Variants in EXD3 observed in about 807,000 individuals in gnomAD.
The protein encoded by EXD3 is exonuclease mut-7 homolog.
A neutral mutation model predicts 98.0 loss-of-function variants in EXD3; 92 were observed. The ratio of observed to expected loss-of-function variants is 0.94; its 90% CI spans 0.79 to 1.12. The LOEUF is 1.12. Ranked by LOEUF, EXD3 falls within the 50% of genes most tolerant of loss-of-function variation. The probability of loss-of-function intolerance (pLI) is 0.00; values close to 1 mark genes in which losing one functional copy is unlikely to be tolerated. For missense variants in EXD3, 1,222 were observed against 1,191.6 expected, an observed-to-expected ratio of 1.03 and a Z score of -0.38; for synonymous variants, 569 against 526.0, an observed-to-expected ratio of 1.08 and a Z score of -1.12.
intron 1 of EXD3, among the ~76,000 whole-genome samples, chr9:137,402,258 C>T (rs1284496010): frequency 1.3e-5 from 2 of 152,194 alleles, no homozygotes; most frequent in East Asian, 3.8e-4. Context: ...TCGTGATCCG[C>T]CCGTCTCAGC....
At chr9:137,325,595 G>C (rs959053279) in intron 17 of EXD3, among the ~76,000 whole-genome samples, 1 of 152,058 alleles carries the variant, frequency 6.6e-6, no homozygotes, top group Non-Finnish European at 1.5e-5. Context: ...AGCACACCCA[G>C]CTAATTTTTG....
intron 17 of EXD3, among the ~76,000 whole-genome samples, chr9:137,343,877 C>T (rs113713332): frequency 5.7e-4 from 69 of 120,162 alleles, no homozygotes; most frequent in Middle Eastern, 7.1e-3. Flanking sequence ...TATGAGCCAC[C>T]GCGCCCGGCC....
chr9:137,417,902 G>A (rs1445773015), intron 1 of EXD3, among the ~76,000 whole-genome samples: 3 of 152,170 alleles, frequency 2.0e-5, no homozygotes, highest in Admixed American at 2.0e-4. Flanking sequence ...TGGGTGAGGG[G>A]CTGGCGGGGC....
chr9:137,391,477 T>C (rs947895219), intron 2 of EXD3, among the ~76,000 whole-genome samples: 9 of 152,154 alleles, frequency 5.9e-5, no homozygotes, highest in Admixed American at 5.9e-4. Context: ...CCCAGCAAGA[T>C]GGGGAGGAGC....
At chr9:137,339,200 G>A (rs992962307) in intron 17 of EXD3, among the ~76,000 whole-genome samples, 13 of 151,988 alleles carry the variant, frequency 8.6e-5, no homozygotes, top group African/African-American at 3.1e-4. Flanking sequence ...CATCAGGCCA[G>A]GAAGCCTCAC....
intron 7 of EXD3, among the ~76,000 whole-genome samples, chr9:137,362,560 A>G (rs938892187): frequency 6.6e-5 from 10 of 151,696 alleles, no homozygotes; most frequent in Non-Finnish European, 1.3e-4. Context: ...CAGCAGTGCA[A>G]TCACAGCTTA....
intron 6 of EXD3, 165 bp downstream of exon 6, chr9:137,367,771 A>C (rs1835344193): frequency 1.6e-6 from 1 of 620,176 alleles, no homozygotes; most frequent in Non-Finnish European, 2.8e-6. Context: ...GCCCATGAGG[A>C]GGATGGTGGT....
At chr9:137,404,543 T>C (rs188537469) in intron 1 of EXD3, among the ~76,000 whole-genome samples, 56 of 152,342 alleles carry the variant, frequency 3.7e-4, no homozygotes, top group African/African-American at 1.3e-3. Flanking sequence ...CATTTGCAAA[T>C]TCTGAAAAAT....
At chr9:137,377,552 T>A (rs1835973827) in intron 3 of EXD3, among the ~76,000 whole-genome samples, 1 of 150,790 alleles carries the variant, frequency 6.6e-6, no homozygotes, top group Non-Finnish European at 1.5e-5. Context: ...GGTGGGAGGA[T>A]CGCTTGAGGT....
chr9:137,346,762 G>A (rs981417372), intron 17 of EXD3, among the ~76,000 whole-genome samples: 6 of 145,398 alleles, frequency 4.1e-5, no homozygotes, highest in African/African-American at 1.6e-4. Flanking sequence ...ACTTCCGCAT[G>A]TTTAGCTGTG....
In EXD3 at chr9:137,309,673, C is replaced by A. The variant is rs199671547; in HGVS notation, c.2212G>T (p.Val738Phe). Residue 738 changes from valine to phenylalanine, a missense_variant, in exon 20 of 22, where the codon GTC becomes TTC. Physicochemically the swap from Val to Phe is conservative, Grantham distance 50 (BLOSUM62 -1). Coordinates refer to ENST00000340951, the MANE Select transcript of EXD3 (RefSeq NM_017820.5). ...AGCTGCTTCATCATGTCCCTGGAGA[C>A]CTTTAGGTACTGGTCACAGTTACAG... The part of the protein sequence containing the change: ...QACNCDQYLK[V>F]SRDMMKQLMW... 78 of 1,558,332 alleles carry A rather than the reference C, an allele frequency of 5.0e-5. No individual in the cohort carries two copies. The African/African-American group carries it at 9.5e-4, about 19-fold the overall frequency.
chr9:137,366,663 C>T, intron 6 of EXD3, 31 bp from the exon 7 acceptor site: 5 of 1,538,204 alleles, frequency 3.3e-6, no homozygotes, highest in Non-Finnish European at 4.4e-6. Flanking sequence ...AGGCCACAGC[C>T]TCCGCCACCT....
chr9:137,415,957 C>G (rs142974261), intron 1 of EXD3, among the ~76,000 whole-genome samples: 12 of 152,318 alleles, frequency 7.9e-5, no homozygotes, highest in African/African-American at 2.2e-4. Context: ...GCTGCTCTGC[C>G]GACGGTGCCT....
chr9:137,387,160 C>CTACTCCTTGTCTGCCTCCCTCAG lies in EXD3; in HGVS notation c.56-3784_56-3783insCTGAGGGAGGCAGACAAGGAGTA, dbSNP rs1322455063. ...CTGTTCCCTGCCTGGCCCTCGGCCCCCGCTCCCTGCCTGGCCCCCGGCCCC... is the reference window on the plus strand; with the variant it reads ...CTGTTCCCTGCCTGGCCCTCGGCCCCTACTCCTTGTCTGCCTCCCTCAGCGCTCCCTGCCTGGCCCCCGGCCCC... On this transcript the variant is annotated intron_variant, in intron 2 of 21. Transcript: ENST00000340951. Among the ~76,000 whole-genome samples, 461 of 77,700 alleles carry CTACTCCTTGTCTGCCTCCCTCAG rather than the reference C, an allele frequency of 5.9e-3. 32 individuals are homozygous for CTACTCCTTGTCTGCCTCCCTCAG. In the African/African-American group the frequency reaches 0.06, roughly 10 times the overall value. 51.0% of individuals were successfully genotyped at this position (77,700 alleles called of 152,430 possible).
rs915985653 is a variant in EXD3, at chr9:137,374,557, A to G, written c.121-958T>C. 8 of 985,390 alleles carry G rather than the reference A, an allele frequency of 8.1e-6. No individual in the cohort carries two copies. The Admixed American group carries it at 3.1e-4, about 38-fold the overall frequency. The allele number at this position is 985,390 out of a possible 1,614,324, so 61.0% of individuals were successfully genotyped here. ...AAGCTTACCGAAACAAAAGGCTCCC[A>G]GCACCTGACAAATCTCCCCACAAAC... On this transcript the variant is annotated intron_variant, in intron 3 of 21. Transcript: ENST00000340951.
rs367988278 is a variant in EXD3 at position 137,366,575 on chromosome 9, C to A, written c.574G>T (p.Gly192Cys). The A allele has an allele frequency of 4.5e-6, 7 of 1,553,092 alleles. No homozygotes were observed. The African/African-American group carries it at 9.6e-5, about 21-fold the overall frequency. Residue 192 changes from glycine to cysteine, a missense_variant, in exon 7 of 22, where the codon GGC becomes TGC. Gly to Cys is a radical substitution (Grantham distance 159). Transcript: ENST00000340951. ...KVALVERYVAGFPDLQRRLLV... is the reference protein window; with the variant it reads ...KVALVERYVACFPDLQRRLLV... ...AGCCTCCTCTGGAGGTCCGGGAAGCCGGCCACATAGCGCTCCACGAGGGCC... is the reference window on the plus strand; with the variant it reads ...AGCCTCCTCTGGAGGTCCGGGAAGCAGGCCACATAGCGCTCCACGAGGGCC...
intron 17 of EXD3, among the ~76,000 whole-genome samples, chr9:137,340,720 A>G (rs1382447775): frequency 6.6e-6 from 1 of 151,836 alleles, no homozygotes; most frequent in Non-Finnish European, 1.5e-5. Flanking sequence ...ATGTCTCGCT[A>G]TGTTACCAGG....
intron 20 of EXD3, 34 bp downstream of exon 20, chr9:137,309,573 C>G (rs1479070256): frequency 3.9e-6 from 6 of 1,530,236 alleles, no homozygotes; most frequent in Non-Finnish European, 5.3e-6. Context: ...ATCCCAGGCC[C>G]CCCAGACCCA....
intron 1 of EXD3, among the ~76,000 whole-genome samples, chr9:137,409,550 C>T (rs1837895865): frequency 6.6e-6 from 1 of 151,952 alleles, no homozygotes; most frequent in East Asian, 1.9e-4. Context: ...GACTCTGTTT[C>T]TATGAAAAAA....
Sources: gnomAD v4.1 joint callset for allele counts (sites outside exome capture counted in the v4.1 genomes callset) on GRCh38, gnomAD v4.1.1 for gene constraint, MANE v1.5 for transcripts, NCBI Gene and HGNC (gene_info 2026-07-23, HGNC 2026-07-21) for gene names.